RNF216: variants seen among roughly 807,000 people sequenced by gnomAD.
RNF216 encodes ring finger protein 216.
In RNF216, 72 loss-of-function variants were observed where a neutral mutation model predicts 110.8. The ratio of observed to expected loss-of-function variants is 0.65; its 90% CI spans 0.54 to 0.79. The LOEUF (loss-of-function observed/expected upper bound fraction) is 0.79. Ranked by LOEUF, RNF216 falls within the 30% of genes least tolerant of loss-of-function variation. The pLI, the probability that RNF216 is intolerant of heterozygous loss-of-function variation, is 0.00. For synonymous variants in RNF216, 495 were observed against 407.5 expected (o/e 1.21, Z -2.59); for missense variants, 1,342 against 1,141.2 (o/e 1.18, Z -2.54).
At chr7:5,641,829 G>GT (rs1229126905) in intron 14 of RNF216, among the ~76,000 whole-genome samples, 3 of 151,964 alleles carry the variant, frequency 2.0e-5, no homozygotes, top group African/African-American at 7.3e-5. Context: ...GAGCTCAGGA[G>GT]TTTGAGACCA....
At chr7:5,677,174 C>G (rs852404) in intron 13 of RNF216, among the ~76,000 whole-genome samples, 1 of 152,156 alleles carries the variant, frequency 6.6e-6, no homozygotes, top group African/African-American at 2.4e-5. Flanking sequence ...TCTAATTTGT[C>G]CAGGTGTTAA....
chr7:5,668,833 C>G (rs986369798), intron 13 of RNF216, among the ~76,000 whole-genome samples: 1 of 152,160 alleles, frequency 6.6e-6, no homozygotes, highest in African/African-American at 2.4e-5. Flanking sequence ...GCGTTCTAGT[C>G]ACGGTGTATC....
chr7:5,693,026 G>A (rs898779612), intron 13 of RNF216, among the ~76,000 whole-genome samples: 1 of 152,146 alleles, frequency 6.6e-6, no homozygotes, highest in African/African-American at 2.4e-5. Context: ...ATTGTTCTAC[G>A]TCTTGCTTTT....
Position 5,741,104 on chromosome 7 carries a change from C to T in RNF216, c.913G>A (p.Ala305Thr), listed in dbSNP as rs1794728252. 2 of 1,614,144 alleles carry T rather than the reference C, an allele frequency of 1.2e-6. No homozygotes were observed. The highest frequency in any genetic ancestry group is 1.7e-6 in the Non-Finnish European group (2 of 1,180,030). Reference protein sequence around the residue: ...PLGEFEDQQLASDDEEPGPAF... With the variant: ...PLGEFEDQQLTSDDEEPGPAF... ...GGACCTGGCTCTTCATCATCACTTG[C>T]TAACTGCTGGTCTTCAAACTCTCCT... is the stretch of plus-strand genomic sequence containing the variant. Residue 305 changes from alanine (A) to threonine (T), a missense_variant, in exon 4 of 17, where the codon GCA becomes ACA. Ala to Thr is a moderately conservative substitution (Grantham distance 58). Coordinates refer to ENST00000389902, the MANE Select transcript of RNF216 (RefSeq NM_207111.4).
chr7:5,660,795 C>G (rs182546251), intron 13 of RNF216, among the ~76,000 whole-genome samples: 1 of 151,496 alleles, frequency 6.6e-6, no homozygotes, highest in African/African-American at 2.4e-5. Context: ...GTCTCAAACT[C>G]CTGGAGTCAA....
In RNF216 at chr7:5,776,184, G is replaced by C. The variant is rs1292103860; in HGVS notation, c.-70+5357C>G. 2.0e-5 allele frequency among the ~76,000 whole-genome samples: 3 copies of C among 152,186 alleles called. No individual in the cohort carries two copies. In the East Asian group the frequency reaches 5.8e-4, roughly 29 times the overall value. On this transcript the variant is annotated intron_variant, in intron 1 of 16. Coordinates refer to ENST00000389902, the MANE Select transcript of RNF216 (RefSeq NM_207111.4). Reference sequence around the variant, plus strand: ...ACTGCTACAGCATTTTATGTAACAAGAATTGGTTATGCATCATCGGGAATA... The same window carrying C: ...ACTGCTACAGCATTTTATGTAACAACAATTGGTTATGCATCATCGGGAATA...
chr7:5,665,524 T>C (rs1209002169), intron 13 of RNF216, among the ~76,000 whole-genome samples: 2 of 152,118 alleles, frequency 1.3e-5, no homozygotes, highest in Non-Finnish European at 2.9e-5. Flanking sequence ...CAAATTGGAA[T>C]AGAAGCTTTA....
intron 9 of RNF216, among the ~76,000 whole-genome samples, chr7:5,719,913 C>T (rs1383566794): frequency 1.3e-5 from 2 of 152,192 alleles, no homozygotes; most frequent in African/African-American, 4.8e-5. Context: ...GTGGCAGAAG[C>T]ACTTTATGAA....
chr7:5,692,551 G>T (rs1254441868), intron 13 of RNF216, among the ~76,000 whole-genome samples: 1 of 152,208 alleles, frequency 6.6e-6, no homozygotes, highest in Non-Finnish European at 1.5e-5. Flanking sequence ...CAGTGCCAGA[G>T]CTTGTGCTGC....
At chr7:5,693,464 G>C (rs1339368941) in intron 13 of RNF216, among the ~76,000 whole-genome samples, 1 of 152,136 alleles carries the variant, frequency 6.6e-6, no homozygotes, top group Non-Finnish European at 1.5e-5. Flanking sequence ...GTATTGCATT[G>C]GATTTCCTTA....
At position 5,741,502 on chromosome 7, in the gene RNF216, G is replaced by C. The variant is rs1221997669; in HGVS notation, c.515C>G (p.Pro172Arg). ...GATGATGACTTTCTGCTCTGATCTG[G>C]GGTTGACAATGTCATTTGCTGCTTG... ...HNQAANDIVN[P>R]RSEQKVIILE... The change falls in exon 4 of 17, where the codon CCC (proline) becomes CGC (arginine). Residue 172 changes from proline to arginine, a missense_variant. By Grantham distance (103) the Pro-to-Arg change is moderately radical (BLOSUM62 -2). Coordinates refer to ENST00000389902, the MANE Select transcript of RNF216 (RefSeq NM_207111.4). 1.2e-6 allele frequency: 2 copies of C among 1,614,032 alleles called. No individual in the cohort carries two copies. The highest frequency in any genetic ancestry group is 1.3e-5 in the African/African-American group (1 of 74,886).
At chr7:5,727,943 T>C (rs1423919357) in intron 7 of RNF216, among the ~76,000 whole-genome samples, 1 of 147,034 alleles carries the variant, frequency 6.8e-6, no homozygotes, top group Non-Finnish European at 1.5e-5. Flanking sequence ...CCAAGGAGAT[T>C]AAAAAAAAAA....
chr7:5,715,259 C>T, intron 10 of RNF216, 69 bp from the exon 11 acceptor site: 1 of 1,494,906 alleles, frequency 6.7e-7, no homozygotes, highest in Non-Finnish European at 9.1e-7. Context: ...TGTCTCCCAT[C>T]CTCATCTCTC....
chr7:5,757,233 T>C (rs879652983), intron 2 of RNF216, among the ~76,000 whole-genome samples: 2 of 152,202 alleles, frequency 1.3e-5, no homozygotes, highest in Admixed American at 6.5e-5. Flanking sequence ...ATTTGTCCAA[T>C]TCTGTTTTTA....
At chr7:5,736,825 G>A (rs1472386764) in intron 5 of RNF216, among the ~76,000 whole-genome samples, 1 of 151,920 alleles carries the variant, frequency 6.6e-6, no homozygotes, top group African/African-American at 2.4e-5. Flanking sequence ...TCTGAGAAGT[G>A]AGGAGCCCCT....
intron 1 of RNF216, among the ~76,000 whole-genome samples, chr7:5,779,823 C>T (rs1410441204): frequency 8.8e-6 from 1 of 113,602 alleles, no homozygotes; most frequent in African/African-American, 3.0e-5. Flanking sequence ...AGCCAGACTC[C>T]GCCTCAAAAA....
intron 7 of RNF216, among the ~76,000 whole-genome samples, chr7:5,726,797 G>C (rs1176576242): frequency 6.6e-6 from 1 of 151,840 alleles, no homozygotes; most frequent in African/African-American, 2.4e-5. Flanking sequence ...AGCGGAGGTT[G>C]CAGTGAGCTG....
intron 15 of RNF216, among the ~76,000 whole-genome samples, chr7:5,628,675 C>A (rs1427031239): frequency 6.8e-6 from 1 of 146,514 alleles, no homozygotes; most frequent in Non-Finnish European, 1.5e-5. Context: ...GCGCCCACCA[C>A]CATATCTGAC....
intron 13 of RNF216, among the ~76,000 whole-genome samples, chr7:5,658,811 A>C (rs546836868): frequency 6.6e-6 from 1 of 152,246 alleles, no homozygotes; most frequent in African/African-American, 2.4e-5. Flanking sequence ...CGTACAAATA[A>C]ACACATACGC....
Sources: gnomAD v4.1 joint callset for allele counts (sites outside exome capture counted in the v4.1 genomes callset) on GRCh38, gnomAD v4.1.1 for gene constraint, MANE v1.5 for transcripts, NCBI Gene and HGNC (gene_info 2026-07-23, HGNC 2026-07-21) for gene names.